Variants in TENM3 observed in about 807,000 individuals in gnomAD.
The protein encoded by TENM3 is teneurin-3.
Under a neutral mutation model 255.1 loss-of-function variants are expected in TENM3, and 63 were observed. The ratio of observed to expected loss-of-function variants is 0.25; its 90% CI spans 0.20 to 0.30. The LOEUF (loss-of-function observed/expected upper bound fraction) is 0.30, where lower values mean the gene tolerates loss of function less well. TENM3 is among the 10% of genes least tolerant of loss of function. The probability of loss-of-function intolerance (pLI) is 1.00; values close to 1 mark genes in which losing one functional copy is unlikely to be tolerated. For synonymous variants in TENM3, 1,306 were observed against 1,322.3 expected (o/e 0.99, Z 0.27); for missense variants, 2,929 against 3,461.1 (o/e 0.85, Z 3.86).
intron 6 of TENM3, among the ~76,000 whole-genome samples, chr4:182,669,827 A>G (rs1054689276): frequency 1.3e-5 from 2 of 152,204 alleles, no homozygotes; most frequent in Non-Finnish European, 2.9e-5. Flanking sequence ...TCTTGATGCC[A>G]TCACTGACTT....
the TENM3 span, among the ~76,000 whole-genome samples, chr4:181,516,389 A>G: frequency 6.6e-6 from 1 of 151,664 alleles, no homozygotes; most frequent in African/African-American, 2.4e-5. Context: ...AAAAGAAAGA[A>G]AGAGCTAAGG....
intron 1 of TENM3, among the ~76,000 whole-genome samples, chr4:182,211,414 C>T (rs1325686991): frequency 6.6e-6 from 1 of 152,088 alleles, no homozygotes; most frequent in African/African-American, 2.4e-5. Context: ...AGTATGTCTT[C>T]TATTTATGCG....
intron 1 of TENM3, among the ~76,000 whole-genome samples, chr4:182,311,132 C>T (rs986122366): frequency 1.3e-5 from 2 of 152,348 alleles, no homozygotes; most frequent in South Asian, 4.1e-4. Context: ...CCCTCTGAAA[C>T]ACATAATATC....
chr4:181,642,718 C>T, the TENM3 span, among the ~76,000 whole-genome samples: 12 of 152,258 alleles, frequency 7.9e-5, no homozygotes, highest in African/African-American at 2.9e-4. Context: ...CAGTTGTCTG[C>T]ATATGGCTAG....
rs6830601 is a variant in TENM3, at chr4:182,466,602, G to A, written c.511+119673G>A. Among the ~76,000 whole-genome samples, 904 of 152,166 alleles carry A rather than the reference G, an allele frequency of 5.9e-3. 11 individuals are homozygous for A. The highest frequency in any genetic ancestry group is 0.02 in the African/African-American group (848 of 41,506). ...CTGCCTTGGCCTCCCAAAGTGCTGG[G>A]ATTACAGGTGTGAGCCAGTTTCCAG... is the stretch of plus-strand genomic sequence containing the variant. On this transcript the variant is annotated intron_variant, in intron 3 of 27. Transcript: ENST00000511685.
At chr4:181,468,820 C>T in the TENM3 span, among the ~76,000 whole-genome samples, 57,193 of 152,068 alleles carry the variant, frequency 0.38, 11,540 homozygotes, top group Non-Finnish European at 0.45. Context: ...TGATTTAACA[C>T]GCTTTTCACA....
the TENM3 span, among the ~76,000 whole-genome samples, chr4:181,797,949 G>C: frequency 6.6e-6 from 1 of 152,184 alleles, no homozygotes; most frequent in Non-Finnish European, 1.5e-5. Flanking sequence ...TATGGTTCAG[G>C]AATGAAGTGG....
At chr4:182,475,549 A>C (rs13135084) in intron 3 of TENM3, among the ~76,000 whole-genome samples, 1 of 152,036 alleles carries the variant, frequency 6.6e-6, no homozygotes, top group East Asian at 1.9e-4. Context: ...AAATGCCATA[A>C]TACTAGAGGA....
At chr4:181,988,002 A>G in the TENM3 span, among the ~76,000 whole-genome samples, 1 of 151,956 alleles carries the variant, frequency 6.6e-6, no homozygotes, top group Non-Finnish European at 1.5e-5. Context: ...TAAGTGGGGT[A>G]GGGGGTTAAA....
the TENM3 span, among the ~76,000 whole-genome samples, chr4:182,083,023 C>T: frequency 6.6e-6 from 1 of 152,136 alleles, no homozygotes; most frequent in Non-Finnish European, 1.5e-5. Flanking sequence ...ACATTAGTAG[C>T]TGGAAGGACT....
chr4:181,941,981 A>T, the TENM3 span, among the ~76,000 whole-genome samples: 1 of 152,204 alleles, frequency 6.6e-6, no homozygotes, highest in Admixed American at 6.5e-5. Context: ...AAAAAACAAC[A>T]GGCTTCCCTG....
intron 3 of TENM3, among the ~76,000 whole-genome samples, chr4:182,552,208 G>C (rs185300980): frequency 6.6e-6 from 1 of 152,168 alleles, no homozygotes; most frequent in Admixed American, 6.5e-5. Flanking sequence ...ACTTTGGGAG[G>C]CTGAGGCACT....
At chr4:182,175,842 G>A (rs776761139) in intron 1 of TENM3, among the ~76,000 whole-genome samples, 5 of 152,258 alleles carry the variant, frequency 3.3e-5, no homozygotes, top group African/African-American at 7.2e-5. Flanking sequence ...GGGTGCATGC[G>A]GAACACTGGG....
At chr4:182,593,187 G>T in intron 3 of TENM3, among the ~76,000 whole-genome samples, 1 of 152,078 alleles carries the variant, frequency 6.6e-6, no homozygotes, top group East Asian at 1.9e-4. Context: ...CTCTTAAGAG[G>T]GCTAAGGCCA....
At chr4:181,825,419 A>AC in the TENM3 span, among the ~76,000 whole-genome samples, 1 of 150,002 alleles carries the variant, frequency 6.7e-6, no homozygotes, top group South Asian at 2.1e-4. Flanking sequence ...AAAAAAAAAA[A>AC]AAAAAAACAG....
At chr4:181,685,615 T>A in the TENM3 span, among the ~76,000 whole-genome samples, 1 of 152,070 alleles carries the variant, frequency 6.6e-6, no homozygotes, top group Admixed American at 6.6e-5. Context: ...CGTGAAAAGA[T>A]CTCCAAAAGA....
At chr4:181,611,798 C>T in the TENM3 span, among the ~76,000 whole-genome samples, 1 of 152,172 alleles carries the variant, frequency 6.6e-6, no homozygotes, top group African/African-American at 2.4e-5. Context: ...AGCCAGGGTA[C>T]AGAAGGCACA....
At chr4:182,208,799 C>T (rs1435919668) in intron 1 of TENM3, among the ~76,000 whole-genome samples, 3 of 152,112 alleles carry the variant, frequency 2.0e-5, no homozygotes, top group Admixed American at 1.3e-4. Flanking sequence ...AGCCCAGACT[C>T]CACCAGAGGT....
chr4:181,450,375 C>T, the TENM3 span, among the ~76,000 whole-genome samples: 1 of 152,244 alleles, frequency 6.6e-6, no homozygotes, highest in African/African-American at 2.4e-5. Flanking sequence ...ATATTCATTG[C>T]AAACACTTTC....
Sources: allele counts gnomAD v4.1 joint callset (sites outside exome capture counted in the v4.1 genomes callset), GRCh38; gene constraint gnomAD v4.1.1; transcripts MANE v1.5; gene names NCBI Gene and HGNC (gene_info 2026-07-23, HGNC 2026-07-21).